LRMDA: variants seen among roughly 807,000 people sequenced by gnomAD.
The protein encoded by LRMDA is leucine-rich melanocyte differentiation-associated protein.
LRMDA carries 18 observed loss-of-function variants against 29.8 expected under a neutral mutation model. The observed-to-expected ratio is 0.60, with a 90% CI of 0.42 to 0.90. LRMDA has a LOEUF of 0.90. LRMDA is among the 40% of genes least tolerant of loss of function. LRMDA has a pLI of 0.00. For missense variants in LRMDA, 273 were observed against 273.9 expected (o/e 1.00, Z 0.02); for synonymous variants, 125 against 109.4 (o/e 1.14, Z -0.89).
intron 6 of LRMDA, among the ~76,000 whole-genome samples, chr10:76,493,197 C>G (rs563490709): frequency 6.6e-6 from 1 of 152,078 alleles, no homozygotes; most frequent in South Asian, 2.1e-4. Flanking sequence ...TGCACCTAAG[C>G]TGGCACTCAA....
chr10:75,943,722 C>G (rs1347094887), intron 2 of LRMDA, among the ~76,000 whole-genome samples: 3 of 152,078 alleles, frequency 2.0e-5, no homozygotes, highest in Admixed American at 2.0e-4. Context: ...TTATTAGCAC[C>G]AGTGGATTAG....
At chr10:75,870,604 A>G (rs1009878761) in intron 2 of LRMDA, among the ~76,000 whole-genome samples, 4 of 152,110 alleles carry the variant, frequency 2.6e-5, no homozygotes, top group Non-Finnish European at 5.9e-5. Context: ...TCTAGGTCTT[A>G]TCATTCCATC....
intron 2 of LRMDA, among the ~76,000 whole-genome samples, chr10:75,898,063 A>C (rs991233191): frequency 6.6e-6 from 1 of 151,910 alleles, no homozygotes; most frequent in South Asian, 2.1e-4. Flanking sequence ...TGACCTCATG[A>C]TCCATCTGCC....
chr10:76,151,083 A>G (rs1245770172), intron 5 of LRMDA, among the ~76,000 whole-genome samples: 7 of 152,276 alleles, frequency 4.6e-5, no homozygotes, highest in African/African-American at 1.7e-4. Flanking sequence ...GAGCAGGCAC[A>G]GGCAGGGGTG....
intron 2 of LRMDA, among the ~76,000 whole-genome samples, chr10:75,670,893 A>G (rs1415371841): frequency 6.6e-6 from 1 of 152,092 alleles, no homozygotes; most frequent in Non-Finnish European, 1.5e-5. Flanking sequence ...CTCCTCTGCC[A>G]GTCCCTTGCT....
intron 5 of LRMDA, among the ~76,000 whole-genome samples, chr10:76,243,029 C>T (rs1192009078): frequency 1.3e-5 from 2 of 152,144 alleles, no homozygotes; most frequent in Non-Finnish European, 2.9e-5. Context: ...CAGGAAACAT[C>T]AGCCAGAACA....
chr10:76,519,575 A>G (rs931634196), intron 6 of LRMDA, among the ~76,000 whole-genome samples: 1 of 152,186 alleles, frequency 6.6e-6, no homozygotes, highest in East Asian at 1.9e-4. Flanking sequence ...GGCTTGTTTT[A>G]AGATTTTTTT....
chr10:76,047,010 G>A (rs1231201959), intron 3 of LRMDA, among the ~76,000 whole-genome samples, 154 bp from the exon 4 acceptor site: 1 of 152,180 alleles, frequency 6.6e-6, no homozygotes, highest in East Asian at 1.9e-4. Context: ...GAGTGAAAAA[G>A]TAGCAATACC....
chr10:75,679,787 G>A (rs751710880), intron 2 of LRMDA, among the ~76,000 whole-genome samples: 17 of 151,946 alleles, frequency 1.1e-4, no homozygotes, highest in Admixed American at 7.2e-4. Context: ...GAGGTCCAGG[G>A]CAAATCCTAC....
At chr10:75,926,211 C>G (rs1186546762) in intron 2 of LRMDA, among the ~76,000 whole-genome samples, 1 of 152,102 alleles carries the variant, frequency 6.6e-6, no homozygotes, top group Non-Finnish European at 1.5e-5. Context: ...AACTGGGCAT[C>G]AACTGCCTGG....
chr10:75,590,726 CTTTT>C (rs67966004), intron 2 of LRMDA, among the ~76,000 whole-genome samples: 1 of 71,342 alleles, frequency 1.4e-5, no homozygotes, highest in African/African-American at 5.8e-5. Flanking sequence ...ATAAAATAGT[CTTTT>C]TTTTTTTTTT....
At chr10:75,530,904 C>A (rs1845469513) in intron 2 of LRMDA, among the ~76,000 whole-genome samples, 1 of 152,114 alleles carries the variant, frequency 6.6e-6, no homozygotes, top group African/African-American at 2.4e-5. Flanking sequence ...GTCTATAGTT[C>A]CGGCACTATG....
chr10:76,141,814 G>T (rs1213810312), intron 5 of LRMDA, among the ~76,000 whole-genome samples: 1 of 152,014 alleles, frequency 6.6e-6, no homozygotes, highest in Admixed American at 6.6e-5. Flanking sequence ...TGTACCTTTG[G>T]TTTTTGCTTT....
At chr10:75,813,605 G>C (rs1402787118) in intron 2 of LRMDA, among the ~76,000 whole-genome samples, 1 of 152,192 alleles carries the variant, frequency 6.6e-6, no homozygotes, top group Non-Finnish European at 1.5e-5. Context: ...ACGTGGGACA[G>C]ATACGCGTTA....
At chr10:76,428,303 A>G (rs1842151609) in intron 6 of LRMDA, among the ~76,000 whole-genome samples, 1 of 152,024 alleles carries the variant, frequency 6.6e-6, no homozygotes, top group South Asian at 2.1e-4. Context: ...TGGTTCCTTT[A>G]CTTGTTTTTG....
intron 2 of LRMDA, among the ~76,000 whole-genome samples, chr10:75,750,432 C>T (rs1350267491): frequency 1.3e-5 from 2 of 150,718 alleles, no homozygotes; most frequent in African/African-American, 4.9e-5. Flanking sequence ...CTCCTCAGTT[C>T]CCAGACGGGG....
intron 2 of LRMDA, among the ~76,000 whole-genome samples, chr10:75,650,486 C>CTT (rs112063123): frequency 0.037 from 5,540 of 149,278 alleles, 353 homozygotes; most frequent in East Asian, 0.33. Flanking sequence ...AAATTATTGA[C>CTT]TTTTTTTTTT....
chr10:75,719,683 G>A (rs903057681), intron 2 of LRMDA, among the ~76,000 whole-genome samples: 1 of 152,206 alleles, frequency 6.6e-6, no homozygotes, highest in Non-Finnish European at 1.5e-5. Flanking sequence ...ACAGCATTGT[G>A]GGATTGTGGG....
intron 2 of LRMDA, among the ~76,000 whole-genome samples, chr10:75,671,260 C>T (rs1252217534): frequency 6.6e-6 from 1 of 152,194 alleles, no homozygotes; most frequent in Non-Finnish European, 1.5e-5. Context: ...CCTAGCTTCA[C>T]TACTAGGGAT....
Sources: gnomAD v4.1 joint callset for allele counts (sites outside exome capture counted in the v4.1 genomes callset) on GRCh38, gnomAD v4.1.1 for gene constraint, MANE v1.5 for transcripts, NCBI Gene and HGNC (gene_info 2026-07-23, HGNC 2026-07-21) for gene names.